The following MAOB variants were observed in gnomAD, a reference collection of about 807,000 sequenced individuals.
MAOB encodes amine oxidase [flavin-containing] B.
Under a neutral mutation model 41.9 loss-of-function variants are expected in MAOB, and 15 were observed. The ratio of observed to expected loss-of-function variants is 0.36; its 90% confidence interval spans 0.24 to 0.55. The LOEUF (loss-of-function observed/expected upper bound fraction) is 0.55, where lower values mean the gene tolerates loss of function less well. Ranked by LOEUF, MAOB falls within the 20% of genes least tolerant of loss-of-function variation. MAOB has a pLI of 0.86. For synonymous variants in MAOB, 167 were observed against 144.2 expected (o/e 1.16, Z -1.13); for missense variants, 345 against 398.7 (o/e 0.87, Z 1.15).
intron 1 of MAOB, among the ~76,000 whole-genome samples, chrX:43,859,105 C>G (rs2035316132): frequency 9.0e-6 from 1 of 111,255 alleles, no homozygotes; most frequent in African/African-American, 3.3e-5. Context: ...ACCACTAGTG[C>G]AAAGATTTAG....
At chrX:43,859,388 A>G (rs1482058858) in intron 1 of MAOB, among the ~76,000 whole-genome samples, 1 of 112,009 alleles carries the variant, frequency 8.9e-6, no homozygotes, top group Non-Finnish European at 1.9e-5. Flanking sequence ...CTACAATTAA[A>G]TGAATCATAT....
chrX:43,776,572 C>T (rs2034259112), intron 11 of MAOB, among the ~76,000 whole-genome samples: 2 of 110,304 alleles, frequency 1.8e-5, no homozygotes, highest in East Asian at 2.9e-4. Flanking sequence ...TTTAAATCAA[C>T]TCCACACTCT....
intron 4 of MAOB, among the ~76,000 whole-genome samples, chrX:43,802,768 A>G (rs1601986084): frequency 1.0e-5 from 1 of 96,268 alleles, no homozygotes; most frequent in African/African-American, 4.0e-5. Context: ...ATCACACACT[A>G]GGGCCTGTCG....
chrX:43,833,741 T>C (rs1410331078), intron 3 of MAOB, among the ~76,000 whole-genome samples: 2 of 112,384 alleles, frequency 1.8e-5, no homozygotes, highest in Non-Finnish European at 3.7e-5. Flanking sequence ...GTTAAGTTTA[T>C]CCAGATATGT....
At chrX:43,825,396 A>AT (rs2034933499) in intron 3 of MAOB, among the ~76,000 whole-genome samples, 1 of 109,715 alleles carries the variant, frequency 9.1e-6, no homozygotes, top group African/African-American at 3.3e-5. Flanking sequence ...TTATTTATTT[A>AT]TTATTATTAT....
intron 14 of MAOB, 33 bp from the exon 15 acceptor site, chrX:43,767,651 G>A (rs373354995): frequency 1.4e-5 from 16 of 1,160,792 alleles, no homozygotes; most frequent in African/African-American, 3.6e-5. Context: ...ATTAGTACAG[G>A]GCTTGTGCAC....
chrX:43,840,967 A>G (rs2035129920), intron 2 of MAOB, among the ~76,000 whole-genome samples: 1 of 108,162 alleles, frequency 9.2e-6, no homozygotes, highest in Admixed American at 9.9e-5. Flanking sequence ...CTCCCCTGGA[A>G]AGGGGGCTGA....
At chrX:43,793,619 G>C (rs1315652849) in intron 7 of MAOB, 41 bp from the exon 8 acceptor site, 1 of 1,091,558 alleles carries the variant, frequency 9.2e-7, no homozygotes. Context: ...TTGCCGTGTT[G>C]CTTTTGTTTT....
At chrX:43,768,822 C>T in intron 13 of MAOB, 106 bp from the exon 14 acceptor site, 1 of 694,051 alleles carries the variant, frequency 1.4e-6, no homozygotes, top group African/African-American at 2.1e-5. Context: ...CCATCAAAAA[C>T]ACCAAGGTAA....
chrX:43,827,248 T>C (rs972745752), intron 3 of MAOB, among the ~76,000 whole-genome samples: 13 of 111,782 alleles, frequency 1.2e-4, no homozygotes, highest in African/African-American at 4.2e-4. Context: ...TCTCTCACAG[T>C]TGTGTGGATT....
intron 3 of MAOB, among the ~76,000 whole-genome samples, chrX:43,819,072 G>C (rs2034852273): frequency 9.0e-6 from 1 of 111,606 alleles, no homozygotes; most frequent in Non-Finnish European, 1.9e-5. Context: ...CAGAGCCTTT[G>C]GGTCATCCAG....
chrX:43,781,444 T>G lies in MAOB; in HGVS notation c.1025+4A>C. On this transcript the variant is annotated splice_donor_region_variant and intron_variant, in intron 9 of 14. Transcript: ENST00000378069. ...GCAGCCACAACACCATAATTGTGCC[T>G]TACCCCATTATGGCAGCATAGTTGC... 8.7e-7 allele frequency: 1 copy of G among 1,146,104 alleles called. No individual in the cohort carries two copies. The highest frequency in any genetic ancestry group is 1.2e-6 in the Non-Finnish European group (1 of 848,787). The allele number at this position is 1,146,104 out of a possible 1,213,427, so 94.5% of individuals were successfully genotyped here. A position where few individuals can be genotyped will look rare whatever the true frequency, so the allele number is the denominator to read the frequency against.
rs1448230250 is a variant in MAOB at position 43,826,912 on chromosome X, A to T, written c.279+11956T>A. 4.5e-5 allele frequency among the ~76,000 whole-genome samples: 5 copies of T among 112,278 alleles called. No individual in the cohort carries two copies. The East Asian group carries it at 1.4e-3, about 31-fold the overall frequency. On this transcript the variant is annotated intron_variant, in intron 3 of 14. Transcript: ENST00000378069. ...GCCAACACATAAATTTTGGGGACAT[A>T]TTCCAACCAAAGTATCTGCCGTCAT...
At chrX:43,773,460 T>C (rs2034212230) in intron 12 of MAOB, among the ~76,000 whole-genome samples, 1 of 112,792 alleles carries the variant, frequency 8.9e-6, no homozygotes, top group Non-Finnish European at 1.9e-5. Context: ...AGGGAGGCTG[T>C]CCTTGGTATT....
chrX:43,831,938 T>C (rs1468471141), intron 3 of MAOB, among the ~76,000 whole-genome samples: 3 of 112,127 alleles, frequency 2.7e-5, no homozygotes, highest in East Asian at 5.6e-4. Context: ...ATTTTTACCA[T>C]ATAAACATTT....
At chrX:43,779,113 TTCTG>T (rs1196926702) in intron 10 of MAOB, among the ~76,000 whole-genome samples, 5 of 111,922 alleles carry the variant, frequency 4.5e-5, no homozygotes, top group African/African-American at 1.3e-4. Flanking sequence ...TTCTCTCTCT[TTCTG>T]TCTTTTTCTT....
At chrX:43,812,252 A>G (rs998268767) in intron 3 of MAOB, among the ~76,000 whole-genome samples, 2 of 112,327 alleles carry the variant, frequency 1.8e-5, no homozygotes, top group Admixed American at 1.9e-4. Flanking sequence ...CTGTTGGTGG[A>G]CACTTAGGTT....
chrX:43,871,936 G>A (rs373058168), intron 1 of MAOB, among the ~76,000 whole-genome samples: 37 of 111,245 alleles, frequency 3.3e-4, no homozygotes, highest in African/African-American at 1.0e-3. Flanking sequence ...AAAATACAGA[G>A]GAAATTAAAA....
intron 3 of MAOB, among the ~76,000 whole-genome samples, chrX:43,830,491 C>T (rs745607832): frequency 8.9e-6 from 1 of 112,012 alleles, no homozygotes; most frequent in South Asian, 3.8e-4. Flanking sequence ...TATTTATGAT[C>T]GATTTAGCCT....
Sources: gnomAD v4.1 joint callset for allele counts (sites outside exome capture counted in the v4.1 genomes callset) on GRCh38, gnomAD v4.1.1 for gene constraint, MANE v1.5 for transcripts, NCBI Gene and HGNC (gene_info 2026-07-23, HGNC 2026-07-21) for gene names.